Variants in CENPQ observed in about 807,000 individuals in gnomAD.
CENPQ encodes centromere protein Q.
CENPQ carries 27 observed loss-of-function variants against 36.6 expected under a neutral mutation model. The observed-to-expected ratio is 0.74, with a 90% CI of 0.54 to 1.02. The LOEUF (loss-of-function observed/expected upper bound fraction) is 1.02, where lower values mean the gene tolerates loss of function less well. Ranked by LOEUF, CENPQ falls within the 50% of genes least tolerant of loss-of-function variation. The pLI, the probability that CENPQ is intolerant of heterozygous loss-of-function variation, is 0.00. For missense variants in CENPQ, 306 were observed against 301.8 expected, an observed-to-expected ratio of 1.01 and a Z score of -0.10; for synonymous variants, 101 against 101.7, an observed-to-expected ratio of 0.99 and a Z score of 0.04.
intron 6 of CENPQ, among the ~76,000 whole-genome samples, chr6:49,482,892 A>T (rs1030526220): frequency 4.6e-5 from 7 of 152,082 alleles, no homozygotes; most frequent in African/African-American, 7.2e-5. Flanking sequence ...GAAGCTGCAG[A>T]CCTTCGCGGT....
At position 49,488,450 on chromosome 6, in the gene CENPQ, A is replaced by G. The variant is rs569698110; in HGVS notation, c.576A>G (p.Glu192=). The G allele has an allele frequency of 1.2e-6, 2 of 1,612,982 alleles. No homozygotes were observed. The highest frequency in any genetic ancestry group is 2.2e-5 in the South Asian group (2 of 90,982). Residue 192 remains glutamate, a synonymous_variant, in exon 7 of 9, where the codon GAA becomes GAG. Transcript: ENST00000335783. The part of the protein sequence containing the change: ...KIQILASEVE[E]EEERVKQMHQ... Reference sequence around the variant, plus strand: ...AGATTCTGGCAAGTGAGGTGGAAGAAGAAGAGGAGAGAGTAAAACAGGTAA... The same window carrying G: ...AGATTCTGGCAAGTGAGGTGGAAGAGGAAGAGGAGAGAGTAAAACAGGTAA...
At chr6:49,469,065 C>T (rs1768069519) in intron 1 of CENPQ, among the ~76,000 whole-genome samples, 1 of 152,150 alleles carries the variant, frequency 6.6e-6, no homozygotes, top group Admixed American at 6.5e-5. Flanking sequence ...ACTTCCACTG[C>T]TTTTTGTAAC....
chr6:49,483,518 G>C (rs1294351397), intron 6 of CENPQ, among the ~76,000 whole-genome samples: 2 of 152,128 alleles, frequency 1.3e-5, no homozygotes, highest in Non-Finnish European at 2.9e-5. Flanking sequence ...CCCTCTGAGG[G>C]GGGAGGCTCA....
intron 8 of CENPQ, 97 bp from the exon 9 acceptor site, chr6:49,492,047 G>T: frequency 2.2e-6 from 2 of 897,692 alleles, no homozygotes; most frequent in South Asian, 1.7e-5. Context: ...TTGGATGATA[G>T]ATACTTAAGG....
chr6:49,477,408 C>T (rs141785429), intron 5 of CENPQ, among the ~76,000 whole-genome samples: 2,090 of 108,338 alleles, frequency 0.019, 61 homozygotes, highest in African/African-American at 0.073. Context: ...CATCACACAC[C>T]GGGGCCTGTC....
chr6:49,470,724 A>G (rs1429262033), intron 2 of CENPQ, among the ~76,000 whole-genome samples: 1 of 152,136 alleles, frequency 6.6e-6, no homozygotes, highest in African/African-American at 2.4e-5. Flanking sequence ...GTGAGTAATA[A>G]TTCATTTAAA....
At chr6:49,464,052 T>G (rs1397097495) in intron 1 of CENPQ, among the ~76,000 whole-genome samples, 1 of 152,164 alleles carries the variant, frequency 6.6e-6, no homozygotes, top group Non-Finnish European at 1.5e-5. Context: ...TGTTTTCCCT[T>G]GGATGCTTCA....
intron 6 of CENPQ, among the ~76,000 whole-genome samples, chr6:49,486,118 A>T (rs1227962107): frequency 6.6e-6 from 1 of 152,186 alleles, no homozygotes; most frequent in Non-Finnish European, 1.5e-5. Context: ...GTGAAACACA[A>T]TAGAAGGCAT....
intron 6 of CENPQ, among the ~76,000 whole-genome samples, chr6:49,482,129 C>G (rs1006759878): frequency 6.6e-6 from 1 of 152,182 alleles, no homozygotes; most frequent in Non-Finnish European, 1.5e-5. Context: ...GTGGGGCCTG[C>G]CAAGCCCACA....
intron 5 of CENPQ, among the ~76,000 whole-genome samples, chr6:49,480,575 T>G (rs1768402296): frequency 6.6e-6 from 1 of 152,212 alleles, no homozygotes. Context: ...TCTAGACTAG[T>G]GTTCTGTCTC....
intron 1 of CENPQ, among the ~76,000 whole-genome samples, chr6:49,468,393 G>GGTC (rs2127423148): frequency 6.6e-6 from 1 of 152,100 alleles, no homozygotes; most frequent in South Asian, 2.1e-4. Flanking sequence ...AGGAGTTCGA[G>GGTC]ACCGGCCTGA....
chr6:49,481,438 G>T (rs1471612027), intron 6 of CENPQ, among the ~76,000 whole-genome samples: 1 of 152,130 alleles, frequency 6.6e-6, no homozygotes, highest in Non-Finnish European at 1.5e-5. Flanking sequence ...TGGTCTCACT[G>T]GCTCAGGAGT....
At chr6:49,468,702 A>G (rs1267911036) in intron 1 of CENPQ, among the ~76,000 whole-genome samples, 2 of 152,206 alleles carry the variant, frequency 1.3e-5, no homozygotes, top group Admixed American at 6.5e-5. Context: ...CTACTGCTCA[A>G]ACAGCTTCAG....
At chr6:49,464,001 T>A (rs886071522) in intron 1 of CENPQ, among the ~76,000 whole-genome samples, 2 of 152,182 alleles carry the variant, frequency 1.3e-5, no homozygotes, top group African/African-American at 4.8e-5. Context: ...ACGCCAGGTT[T>A]TTTGTGTTTT....
rs13215650 is a variant in CENPQ, at chr6:49,476,427, G to A, written c.347+3569G>A. 4.7e-4 allele frequency among the ~76,000 whole-genome samples: 72 copies of A among 152,092 alleles called. 4 individuals are homozygous for A. The South Asian group carries it at 0.014, about 30-fold the overall frequency. On this transcript the variant is annotated intron_variant, in intron 5 of 8. Transcript: ENST00000335783. ...TACCTTATACAAAAATTAATTCAAG[G>A]TGGATTAAAGACTTAAATGTTAGAA...
Position 49,472,084 on chromosome 6 carries a change from T to TA in CENPQ, c.183dup (p.His62ThrfsTer37), listed in dbSNP as rs1342000624. 9.3e-6 allele frequency: 15 copies of TA among 1,612,524 alleles called. No individual in the cohort carries two copies. Among genetic ancestry groups the TA allele is most frequent in the Non-Finnish European group, 1.3e-5 (15 of 1,179,246 alleles). On this transcript the variant is annotated frameshift_variant, in exon 4 of 9. Coordinates refer to ENST00000335783, the MANE Select transcript of CENPQ (RefSeq NM_018132.4). LOFTEE classifies it high-confidence loss of function. ...ACAGGACAAACAAAGCACACTAACCTAAAACACGGAAAGACAGCAGCCAGC... is the reference window on the plus strand; with the variant it reads ...ACAGGACAAACAAAGCACACTAACCTAAAAACACGGAAAGACAGCAGCCAGC...
chr6:49,485,585 A>G (rs574614079), intron 6 of CENPQ, among the ~76,000 whole-genome samples: 4 of 152,306 alleles, frequency 2.6e-5, no homozygotes, highest in East Asian at 3.9e-4. Flanking sequence ...AAAATGATAG[A>G]AAGTATAGGG....
chr6:49,491,709 A>G (rs1339327201), intron 8 of CENPQ, among the ~76,000 whole-genome samples: 1 of 152,182 alleles, frequency 6.6e-6, no homozygotes, highest in Non-Finnish European at 1.5e-5. Flanking sequence ...TGAGGTCAGG[A>G]GTTCGAGAAC....
chr6:49,484,196 C>T (rs1249895325), intron 6 of CENPQ, among the ~76,000 whole-genome samples: 1 of 152,174 alleles, frequency 6.6e-6, no homozygotes, highest in African/African-American at 2.4e-5. Context: ...ATAGTTATAT[C>T]CCTTAATCCT....
Sources: gnomAD v4.1 joint callset for allele counts (sites outside exome capture counted in the v4.1 genomes callset) on GRCh38, gnomAD v4.1.1 for gene constraint, MANE v1.5 for transcripts, NCBI Gene and HGNC (gene_info 2026-07-23, HGNC 2026-07-21) for gene names.